The following KIRREL1 variants were observed in gnomAD, a reference collection of about 807,000 sequenced individuals.
The protein encoded by KIRREL1 is kirre like nephrin family adhesion molecule 1.
A neutral mutation model predicts 83.3 loss-of-function variants in KIRREL1; 25 were observed. The ratio of observed to expected loss-of-function variants is 0.30; its 90% CI spans 0.22 to 0.42. The LOEUF (loss-of-function observed/expected upper bound fraction) is 0.42, where lower values mean the gene tolerates loss of function less well. Among genes scored for constraint, KIRREL1 ranks in the 10% least tolerant of loss-of-function variants. KIRREL1 has a pLI of 1.00. For missense variants in KIRREL1, 812 were observed against 1,032.3 expected (o/e 0.79, Z 2.92); for synonymous variants, 388 against 410.4 (o/e 0.95, Z 0.66).
At position 158,078,132 on chromosome 1, in the gene KIRREL1, C is replaced by T; in HGVS notation, c.344C>T (p.Thr115Ile). The T allele has an allele frequency of 3.1e-6, 5 of 1,613,998 alleles. No homozygotes were observed. In the South Asian group the frequency reaches 4.4e-5, roughly 14 times the overall value. The part of the protein sequence containing the change: ...AALRSRRAKL[T>I]VLIPPEDTRI... ...CTGCGCTCTCGGCGGGCCAAACTCA[C>T]CGTGCTCAGTAAGGACCCCAATACC... The change falls in exon 3 of 15, where the codon ACC becomes ATC. Residue 115 changes from threonine to isoleucine, a missense_variant. Around this residue, in one of 3 missense-constraint regions of KIRREL1, gnomAD observed 472 missense variants for 626.8 expected, o/e 0.75. Transcript: ENST00000359209.
At chr1:158,078,385 C>T (rs1661748921) in intron 3 of KIRREL1, among the ~76,000 whole-genome samples, 1 of 151,814 alleles carries the variant, frequency 6.6e-6, no homozygotes, top group African/African-American at 2.4e-5. Flanking sequence ...AGTGCCTCGG[C>T]CACTCAGGGA....
At chr1:158,018,326 C>T (rs1659894543) in intron 1 of KIRREL1, among the ~76,000 whole-genome samples, 1 of 152,088 alleles carries the variant, frequency 6.6e-6, no homozygotes, top group Admixed American at 6.6e-5. Context: ...GGGAATGAAG[C>T]AGGGAGTAGG....
At chr1:158,017,158 GCACGCACGGCC>G (rs1165245612) in intron 1 of KIRREL1, among the ~76,000 whole-genome samples, 1 of 152,132 alleles carries the variant, frequency 6.6e-6, no homozygotes, top group Admixed American at 6.5e-5. Flanking sequence ...ACTCATCATT[GCACGCACGGCC>G]CAGGAAATGG....
intron 1 of KIRREL1, among the ~76,000 whole-genome samples, chr1:158,075,648 C>T (rs1225018866): frequency 2.0e-5 from 3 of 152,160 alleles, no homozygotes; most frequent in Non-Finnish European, 2.9e-5. Context: ...ACATGACACG[C>T]GTCTAAGTAG....
intron 1 of KIRREL1, among the ~76,000 whole-genome samples, chr1:158,045,336 C>T (rs1660751896): frequency 6.6e-6 from 1 of 152,206 alleles, no homozygotes; most frequent in South Asian, 2.1e-4. Flanking sequence ...CAAGGACTGC[C>T]CTCGTTTCAG....
intron 1 of KIRREL1, among the ~76,000 whole-genome samples, chr1:158,037,603 T>A (rs1660512878): frequency 6.6e-6 from 1 of 151,912 alleles, no homozygotes; most frequent in African/African-American, 2.4e-5. Flanking sequence ...CTGGCTTATA[T>A]ACGTGTTCAA....
chr1:158,012,199 G>A lies in KIRREL1; in HGVS notation c.52+18471G>A, dbSNP rs182309221. ...TAATCTCAACTCGTCTTATTGGACT[G>A]CTTTCTCTTGGGCAAGACATGTGCT... On this transcript the variant is annotated intron_variant, in intron 1 of 14. Transcript: ENST00000359209. 4.5e-3 allele frequency among the ~76,000 whole-genome samples: 685 copies of A among 152,292 alleles called. 3 individuals are homozygous for A. The highest frequency in any genetic ancestry group is 6.8e-3 in the Non-Finnish European group (465 of 68,018).
At chr1:158,046,915 G>A (rs1660793768) in intron 1 of KIRREL1, among the ~76,000 whole-genome samples, 1 of 152,144 alleles carries the variant, frequency 6.6e-6, no homozygotes. Flanking sequence ...GGGGTTGCTG[G>A]GCACAGGGTC....
chr1:158,014,186 G>A (rs2101641758), intron 1 of KIRREL1, among the ~76,000 whole-genome samples: 1 of 152,024 alleles, frequency 6.6e-6, no homozygotes, highest in South Asian at 2.1e-4. Flanking sequence ...AGGGGGAGAT[G>A]AGAGAGACCT....
intron 1 of KIRREL1, among the ~76,000 whole-genome samples, chr1:158,047,794 T>A (rs958189592): frequency 6.6e-6 from 1 of 152,136 alleles, no homozygotes; most frequent in Non-Finnish European, 1.5e-5. Flanking sequence ...AGCTGTGAAA[T>A]GCTGACTATA....
intron 1 of KIRREL1, among the ~76,000 whole-genome samples, chr1:158,029,366 T>TGTGTGTGTGTGCGCGC (rs1553238087): frequency 4.0e-4 from 60 of 149,026 alleles, no homozygotes; most frequent in African/African-American, 1.3e-3. Context: ...TGTGTGTGTG[T>TGTGTGTGTGTGCGCGC]GCACGTGCGC....
At chr1:158,013,087 A>T (rs1041946822) in intron 1 of KIRREL1, among the ~76,000 whole-genome samples, 1 of 152,214 alleles carries the variant, frequency 6.6e-6, no homozygotes, top group African/African-American at 2.4e-5. Flanking sequence ...CTAGAACTGG[A>T]AATGAAGTCT....
chr1:158,039,725 G>A lies in KIRREL1; in HGVS notation c.53-36388G>A, dbSNP rs183069559. The stretch of plus-strand genomic sequence containing the variant: ...TCATGTCTCCTATCAGGCCTGTGAT[G>A]TAAATACAGTCTGGTCATGTATTGA... On this transcript the variant is annotated intron_variant, in intron 1 of 14. Transcript: ENST00000359209. Among the ~76,000 whole-genome samples the A allele has an allele frequency of 2.0e-5, 3 of 152,264 alleles. No homozygotes were observed. In the East Asian group the frequency reaches 5.8e-4, roughly 29 times the overall value.
rs1401711005 is a variant in KIRREL1 at position 158,078,049 on chromosome 1, C to G, written c.261C>G (p.Ile87Met). ...SADAGQYNLEITDAELSDDAS... is the reference protein window; with the variant it reads ...SADAGQYNLEMTDAELSDDAS... ...ACGCTGGGCAGTACAACCTGGAGAT[C>G]ACAGATGCTGAGCTCTCTGACGACG... Residue 87 changes from isoleucine to methionine, a missense_variant, in exon 3 of 15, where the codon ATC becomes ATG. Around this residue, in one of 3 missense-constraint regions of KIRREL1, gnomAD observed 472 missense variants for 626.8 expected, o/e 0.75. Transcript: ENST00000359209. The G allele has an allele frequency of 6.2e-7, 1 of 1,614,180 alleles. No homozygotes were observed. Among genetic ancestry groups the G allele is most frequent in the Non-Finnish European group, 8.5e-7 (1 of 1,180,030 alleles).
chr1:158,094,361 A>G lies in KIRREL1; in HGVS notation c.1768A>G (p.Ile590Val). The change falls in exon 14 of 15, where the codon ATC becomes GTC. Residue 590 changes from isoleucine to valine, a missense_variant. Transcript: ENST00000359209. This position sits in a 1 kb window ranked among gnomAD's most constrained non-coding sequence, Gnocchi z 4.6. Reference sequence around the variant, plus strand: ...GAAGCAGGACCTGCGCTGCGACACCATCGACACCCGGGAGGAGTATGAGAT... The same window carrying G: ...GAAGCAGGACCTGCGCTGCGACACCGTCGACACCCGGGAGGAGTATGAGAT... ...DLKQDLRCDT[I>V]DTREEYEMKD... The G allele has an allele frequency of 6.2e-7, 1 of 1,607,488 alleles. No individual in the cohort carries two copies. The highest frequency in any genetic ancestry group is 1.3e-5 in the African/African-American group (1 of 74,718).
chr1:158,050,101 G>T (rs945149270), intron 1 of KIRREL1, among the ~76,000 whole-genome samples: 1 of 152,154 alleles, frequency 6.6e-6, no homozygotes, highest in Admixed American at 6.5e-5. Flanking sequence ...AGAGGTGTGT[G>T]TGTGTGCACA....
At chr1:158,010,978 C>T (rs1003257537) in intron 1 of KIRREL1, among the ~76,000 whole-genome samples, 2 of 152,152 alleles carry the variant, frequency 1.3e-5, no homozygotes, top group South Asian at 4.1e-4. Flanking sequence ...TTTTAATCAT[C>T]TCAGAGGCTG....
chr1:158,062,819 C>G (rs1208626751), intron 1 of KIRREL1, among the ~76,000 whole-genome samples: 1 of 152,236 alleles, frequency 6.6e-6, no homozygotes. Context: ...CCCTGTGCAG[C>G]TTAGATGTGC....
intron 1 of KIRREL1, among the ~76,000 whole-genome samples, chr1:158,034,739 C>A (rs1660429128): frequency 6.6e-6 from 1 of 152,108 alleles, no homozygotes; most frequent in South Asian, 2.1e-4. Flanking sequence ...TCCATCTTAG[C>A]GCAGTTACTT....
Sources: allele counts gnomAD v4.1 joint callset (sites outside exome capture counted in the v4.1 genomes callset), GRCh38; gene constraint gnomAD v4.1.1; regional missense constraint gnomAD v4.1.1; non-coding constraint Gnocchi (gnomAD v3.1); transcripts MANE v1.5; gene names NCBI Gene and HGNC (gene_info 2026-07-23, HGNC 2026-07-21).